CDH9: variants seen among roughly 807,000 people sequenced by gnomAD.
CDH9 encodes the protein cadherin-9.
In CDH9, 28 loss-of-function variants were observed where a neutral mutation model predicts 70.9. The ratio of observed to expected loss-of-function variants is 0.40; its 90% CI spans 0.29 to 0.54. CDH9 has a LOEUF of 0.54. Among genes scored for constraint, CDH9 ranks in the 20% least tolerant of loss-of-function variants. The pLI is 0.59. For missense variants in CDH9, 874 were observed against 984.4 expected (o/e 0.89, Z 1.50); for synonymous variants, 409 against 343.1 (o/e 1.19, Z -2.12).
chr5:27,027,616 T>G (rs1488467292), intron 1 of CDH9, among the ~76,000 whole-genome samples: 2 of 152,056 alleles, frequency 1.3e-5, no homozygotes, highest in Non-Finnish European at 2.9e-5. Context: ...AACTAATTTT[T>G]GTAAGTAGGA....
At chr5:26,885,026 T>C (rs1316026149) in intron 11 of CDH9, among the ~76,000 whole-genome samples, 1 of 152,178 alleles carries the variant, frequency 6.6e-6, no homozygotes, top group African/African-American at 2.4e-5. Flanking sequence ...ACAAGTTATA[T>C]AGGGGAAAAT....
intron 1 of CDH9, among the ~76,000 whole-genome samples, chr5:26,994,563 G>A (rs927459928): frequency 2.7e-5 from 4 of 149,572 alleles, no homozygotes; most frequent in African/African-American, 9.9e-5. Context: ...TTGTTTGTTT[G>A]TTTTGTTTTT....
chr5:26,881,330 C>T lies in CDH9; in HGVS notation c.2176G>A (p.Asp726Asn). 1 of 1,613,290 alleles carries T rather than the reference C, an allele frequency of 6.2e-7. No individual in the cohort carries two copies. Residue 726 changes from aspartate (D) to asparagine (N), a missense_variant, in exon 12 of 12, where the codon GAC becomes AAC. Physicochemically the swap from Asp to Asn is conservative, Grantham distance 23 (BLOSUM62 1). Transcript: ENST00000231021. ...GAATCATATGGAGGTGCACTTGGGT[C>T]TGCGTCGTTTTCTTTTAATCTTCGA... ...IHRRLKENDA[D>N]PSAPPYDSLA...
intron 2 of CDH9, among the ~76,000 whole-genome samples, chr5:26,950,213 T>C (rs1741821498): frequency 6.6e-6 from 1 of 152,200 alleles, no homozygotes; most frequent in Admixed American, 6.5e-5. Flanking sequence ...TTCTACAATG[T>C]TTCCTGTGAC....
chr5:26,922,001 C>T lies in CDH9; in HGVS notation c.229-6077G>A, dbSNP rs528185685. On this transcript the variant is annotated intron_variant, in intron 2 of 11. Transcript: ENST00000231021. Reference sequence around the variant, plus strand: ...AAGAAACAATTAGCTTGAAGACAGGCTATTTGAAAAAACACAAAATAGTCC... The same window carrying T: ...AAGAAACAATTAGCTTGAAGACAGGTTATTTGAAAAAACACAAAATAGTCC... 5.7e-5 allele frequency among the ~76,000 whole-genome samples: 8 copies of T among 141,060 alleles called. No homozygotes were observed. In the East Asian group the frequency reaches 8.3e-4, roughly 15 times the overall value. 92.5% of individuals were successfully genotyped at this position (141,060 alleles called of 152,430 possible).
At chr5:26,945,594 A>C (rs1741738432) in intron 2 of CDH9, among the ~76,000 whole-genome samples, 1 of 152,146 alleles carries the variant, frequency 6.6e-6, no homozygotes, top group Non-Finnish European at 1.5e-5. Flanking sequence ...CTTGCTCCTC[A>C]AATAGCTTAA....
chr5:26,889,234 T>C (rs2111971620), intron 9 of CDH9, among the ~76,000 whole-genome samples: 1 of 152,224 alleles, frequency 6.6e-6, no homozygotes, highest in East Asian at 1.9e-4. Flanking sequence ...CTACATTTTT[T>C]TGTCAAAAAT....
intron 2 of CDH9, among the ~76,000 whole-genome samples, chr5:26,971,768 C>T (rs1199770174): frequency 2.2e-5 from 1 of 45,030 alleles, no homozygotes; most frequent in East Asian, 2.8e-4. Flanking sequence ...CATTAAAATA[C>T]ACACACACAC....
chr5:27,018,146 T>A (rs1208276065), intron 1 of CDH9, among the ~76,000 whole-genome samples: 1 of 151,880 alleles, frequency 6.6e-6, no homozygotes, highest in African/African-American at 2.4e-5. Flanking sequence ...TGGATTGACT[T>A]CTATATTACA....
chr5:27,006,047 G>A (rs916449327), intron 1 of CDH9, among the ~76,000 whole-genome samples: 13 of 152,074 alleles, frequency 8.5e-5, no homozygotes, highest in Middle Eastern at 3.4e-3. Context: ...AGGGAGTGGA[G>A]TAGAAAAGAT....
At chr5:26,961,477 T>C (rs1445640022) in intron 2 of CDH9, among the ~76,000 whole-genome samples, 1 of 152,132 alleles carries the variant, frequency 6.6e-6, no homozygotes, top group Non-Finnish European at 1.5e-5. Flanking sequence ...GTTGGTATAA[T>C]CTGACCTCTT....
intron 2 of CDH9, among the ~76,000 whole-genome samples, chr5:26,970,480 T>C (rs939808971): frequency 4.6e-5 from 7 of 152,102 alleles, no homozygotes; most frequent in Admixed American, 6.6e-5. Context: ...CACATACACA[T>C]GATTGACATG....
intron 2 of CDH9, among the ~76,000 whole-genome samples, chr5:26,970,587 C>G (rs1742202423): frequency 6.6e-6 from 1 of 151,934 alleles, no homozygotes; most frequent in African/African-American, 2.4e-5. Context: ...ACTTGTTAAC[C>G]TAAAATAAGC....
Position 26,902,016 on chromosome 5 carries a change from T to C in CDH9, c.1253+460A>G, listed in dbSNP as rs79609718. Among the ~76,000 whole-genome samples, 8 of 152,002 alleles carry C rather than the reference T, an allele frequency of 5.3e-5. No homozygotes were observed. In the East Asian group the frequency reaches 1.5e-3, roughly 29 times the overall value. On this transcript the variant is annotated intron_variant, in intron 7 of 11. Transcript: ENST00000231021. The stretch of plus-strand genomic sequence containing the variant: ...TTCTAGGAAAACATTTTTTTCTAAT[T>C]TATTTATTTAGTTCCTTATTAATTT...
At chr5:26,958,316 G>A (rs999400966) in intron 2 of CDH9, among the ~76,000 whole-genome samples, 3 of 152,040 alleles carry the variant, frequency 2.0e-5, no homozygotes, top group Non-Finnish European at 4.4e-5. Context: ...TGAAAGAGAC[G>A]GTTTGTATCC....
intron 2 of CDH9, among the ~76,000 whole-genome samples, chr5:26,941,212 A>G (rs1440296824): frequency 2.0e-5 from 3 of 152,212 alleles, no homozygotes; most frequent in Admixed American, 2.0e-4. Context: ...TAATCAGTCC[A>G]CCTGATTCTG....
chr5:26,894,796 A>C (rs568308101), intron 7 of CDH9, among the ~76,000 whole-genome samples: 3 of 152,034 alleles, frequency 2.0e-5, no homozygotes, highest in Admixed American at 6.6e-5. Context: ...GTCCCCCTGC[A>C]TTGAATTTTG....
In CDH9 at chr5:26,989,508, G is replaced by GTCTCTCTCTC. The variant is rs150867847; in HGVS notation, c.-49-1136_-49-1127dup. ...GTATTATATTCTCTCTCTCTTCTCT[G>GTCTCTCTCTC]TCTCTCTCTCTCTCTCTCTCTCTCT... On this transcript the variant is annotated intron_variant, in intron 1 of 11. Coordinates refer to ENST00000231021, the MANE Select transcript of CDH9 (RefSeq NM_016279.4). Among the ~76,000 whole-genome samples the GTCTCTCTCTC allele has an allele frequency of 6.7e-4, 99 of 146,874 alleles. 1 individual carries two copies. Among genetic ancestry groups the GTCTCTCTCTC allele is most frequent in the African/African-American group, 1.5e-3 (61 of 39,990 alleles).
chr5:26,933,447 C>T (rs1361230488), intron 2 of CDH9, among the ~76,000 whole-genome samples: 1 of 151,478 alleles, frequency 6.6e-6, no homozygotes, highest in African/African-American at 2.4e-5. Flanking sequence ...GCTGGACATA[C>T]AAATAAAATG....
Sources: allele counts gnomAD v4.1 joint callset (sites outside exome capture counted in the v4.1 genomes callset), GRCh38; gene constraint gnomAD v4.1.1; transcripts MANE v1.5; gene names NCBI Gene and HGNC (gene_info 2026-07-23, HGNC 2026-07-21).